Variants in BMPR1B observed in about 807,000 individuals in gnomAD.
BMPR1B encodes bone morphogenetic protein receptor type 1B, also known as bone morphogenetic protein receptor type-1B.
BMPR1B carries 12 observed loss-of-function variants against 59.1 expected under a neutral mutation model. The ratio of observed to expected loss-of-function variants is 0.20; its 90% CI spans 0.13 to 0.33. The LOEUF (loss-of-function observed/expected upper bound fraction) is 0.33, where lower values mean the gene tolerates loss of function less well. Among genes scored for constraint, BMPR1B ranks in the 10% least tolerant of loss-of-function variants. The pLI, the probability that BMPR1B is intolerant of heterozygous loss-of-function variation, is 1.00. For missense variants in BMPR1B, 550 were observed against 610.9 expected, an observed-to-expected ratio of 0.90 and a Z score of 1.05; for synonymous variants, 237 against 207.3, an observed-to-expected ratio of 1.14 and a Z score of -1.23.
intron 2 of BMPR1B, among the ~76,000 whole-genome samples, chr4:94,978,610 C>T (rs1731116350): frequency 6.6e-6 from 1 of 152,098 alleles, no homozygotes; most frequent in Non-Finnish European, 1.5e-5. Context: ...ATTGGTGGTA[C>T]GAGCATGGGA....
At chr4:94,841,237 A>T (rs1180698994) in intron 1 of BMPR1B, among the ~76,000 whole-genome samples, 1 of 148,714 alleles carries the variant, frequency 6.7e-6, no homozygotes, top group Non-Finnish European at 1.5e-5. Context: ...CCCTGCCCCC[A>T]GAGGTGGAGC....
rs1175004213 is a variant in BMPR1B at position 94,840,930 on chromosome 4, G to T, written c.-182-34901G>T. 4.8e-5 allele frequency among the ~76,000 whole-genome samples: 7 copies of T among 146,906 alleles called. 1 individual carries two copies. Among genetic ancestry groups the T allele is most frequent in the Non-Finnish European group, 1.1e-4 (7 of 66,010 alleles). ...TGGTCTTTGATGATGGTGATGTACA[G>T]ATGGGTTTTTGGTGTGGATGTCCTT... On this transcript the variant is annotated intron_variant, in intron 1 of 12. Coordinates refer to ENST00000515059, the MANE Select transcript of BMPR1B (RefSeq NM_001203.3).
intron 1 of BMPR1B, among the ~76,000 whole-genome samples, chr4:94,837,601 T>C (rs1405002224): frequency 1.4e-5 from 2 of 141,948 alleles, no homozygotes; most frequent in African/African-American, 5.3e-5. Context: ...TTTTTGTACA[T>C]TGATTTTGTA....
intron 2 of BMPR1B, among the ~76,000 whole-genome samples, chr4:94,914,201 G>A (rs1728393491): frequency 6.6e-6 from 1 of 152,112 alleles, no homozygotes; most frequent in Non-Finnish European, 1.5e-5. Flanking sequence ...TTGAAAAAAT[G>A]TTGTGCAGCT....
chr4:94,893,580 A>G (rs1412036762), intron 2 of BMPR1B, among the ~76,000 whole-genome samples: 1 of 151,996 alleles, frequency 6.6e-6, no homozygotes, highest in African/African-American at 2.4e-5. Context: ...TTCTCATATA[A>G]AGAGAAATTT....
chr4:95,124,017 T>C lies in BMPR1B; in HGVS notation c.446+111T>C, dbSNP rs1236568983. Reference sequence around the variant, plus strand: ...TCACCACAGCTTTATTTATCTTAATTAGATCTTATAGTTAACTGAAAATGT... The same window carrying C: ...TCACCACAGCTTTATTTATCTTAATCAGATCTTATAGTTAACTGAAAATGT... On this transcript the variant is annotated intron_variant, in intron 7 of 12. Coordinates refer to ENST00000515059, the MANE Select transcript of BMPR1B (RefSeq NM_001203.3). The C allele has an allele frequency of 8.2e-6, 6 of 727,544 alleles. No individual in the cohort carries two copies. The Admixed American group carries it at 1.5e-4, about 18-fold the overall frequency. The allele number at this position is 727,544 out of a possible 1,614,324, so 45.1% of individuals were successfully genotyped here.
intron 1 of BMPR1B, among the ~76,000 whole-genome samples, chr4:94,864,783 G>C (rs1726146745): frequency 6.6e-6 from 1 of 152,074 alleles, no homozygotes; most frequent in South Asian, 2.1e-4. Flanking sequence ...AGGAAAAAAA[G>C]TCTGTACATG....
At chr4:95,080,380 G>T (rs1223641536) in intron 3 of BMPR1B, among the ~76,000 whole-genome samples, 1 of 152,038 alleles carries the variant, frequency 6.6e-6, no homozygotes, top group East Asian at 1.9e-4. Flanking sequence ...GGGATTACAG[G>T]TGTCCACAAC....
chr4:94,936,833 A>T (rs1322396710), intron 2 of BMPR1B, among the ~76,000 whole-genome samples: 1 of 152,086 alleles, frequency 6.6e-6, no homozygotes, highest in Non-Finnish European at 1.5e-5. Context: ...AAATTAGCAC[A>T]GTTCTCTTCT....
chr4:94,830,489 C>T (rs929573917), intron 1 of BMPR1B, among the ~76,000 whole-genome samples: 4 of 151,952 alleles, frequency 2.6e-5, no homozygotes, highest in Admixed American at 2.0e-4. Context: ...GATTTGATTC[C>T]ATGTAGCATA....
intron 2 of BMPR1B, among the ~76,000 whole-genome samples, chr4:94,879,943 TTTAA>T (rs1726893359): frequency 1.3e-5 from 2 of 152,306 alleles, no homozygotes; most frequent in East Asian, 1.9e-4. Context: ...TAAATTTGAA[TTTAA>T]TTAGTTATAG....
At chr4:95,035,659 A>G (rs892379366) in intron 3 of BMPR1B, among the ~76,000 whole-genome samples, 1 of 152,172 alleles carries the variant, frequency 6.6e-6, no homozygotes, top group Non-Finnish European at 1.5e-5. Context: ...TTATATCAGT[A>G]CTACACTGTT....
intron 1 of BMPR1B, among the ~76,000 whole-genome samples, chr4:94,832,983 G>C (rs1724662671): frequency 6.6e-6 from 1 of 151,840 alleles, no homozygotes; most frequent in South Asian, 2.1e-4. Flanking sequence ...GAGGTCAGGA[G>C]TTCGAGACCA....
chr4:94,860,636 T>C (rs937756824), intron 1 of BMPR1B, among the ~76,000 whole-genome samples: 2 of 152,204 alleles, frequency 1.3e-5, no homozygotes, highest in African/African-American at 2.4e-5. Flanking sequence ...ATTAAACTTT[T>C]ATTTTTTAGT....
chr4:94,888,293 T>C (rs559842322), intron 2 of BMPR1B, among the ~76,000 whole-genome samples: 1 of 152,150 alleles, frequency 6.6e-6, no homozygotes, highest in Non-Finnish European at 1.5e-5. Context: ...AAATGACTGA[T>C]GGTGAGTATT....
intron 1 of BMPR1B, among the ~76,000 whole-genome samples, chr4:94,762,079 G>A (rs997464215): frequency 3.9e-5 from 6 of 152,088 alleles, no homozygotes; most frequent in Admixed American, 3.3e-4. Context: ...TGGTAAGAAG[G>A]GATAATGTAT....
chr4:95,053,320 T>A (rs1198755072), intron 3 of BMPR1B, among the ~76,000 whole-genome samples: 2 of 142,812 alleles, frequency 1.4e-5, no homozygotes, highest in Non-Finnish European at 3.1e-5. Flanking sequence ...TGTGTGTGTG[T>A]GTGATGTGCC....
chr4:94,864,976 A>T lies in BMPR1B; in HGVS notation c.-182-10855A>T, dbSNP rs375270681. 1.9e-4 allele frequency among the ~76,000 whole-genome samples: 29 copies of T among 152,234 alleles called. No homozygotes were observed. In the South Asian group the frequency reaches 4.4e-3, roughly 23 times the overall value. ...AAATGATACACCTGAATGCAATGATATATAGATTTTTAATAATCTTCAAGT... is the reference window on the plus strand; with the variant it reads ...AAATGATACACCTGAATGCAATGATTTATAGATTTTTAATAATCTTCAAGT... On this transcript the variant is annotated intron_variant, in intron 1 of 12. Coordinates refer to ENST00000515059, the MANE Select transcript of BMPR1B (RefSeq NM_001203.3).
intron 2 of BMPR1B, among the ~76,000 whole-genome samples, chr4:94,951,322 G>A (rs902850081): frequency 6.6e-6 from 1 of 152,190 alleles, no homozygotes; most frequent in Non-Finnish European, 1.5e-5. Flanking sequence ...GAATAGGAAT[G>A]GTGAGAGAGG....
Sources: gnomAD v4.1 joint callset for allele counts (sites outside exome capture counted in the v4.1 genomes callset) on GRCh38, gnomAD v4.1.1 for gene constraint, MANE v1.5 for transcripts, NCBI Gene and HGNC (gene_info 2026-07-23, HGNC 2026-07-21) for gene names.